The following CADM2 variants were observed in gnomAD, a reference collection of about 807,000 sequenced individuals.
The protein encoded by CADM2 is cell adhesion molecule 2, also known as immunoglobulin superfamily member 4D.
CADM2 carries 12 observed loss-of-function variants against 49.8 expected under a neutral mutation model. That is an observed-to-expected ratio of 0.24 (90% confidence interval 0.15 to 0.39). The LOEUF is 0.39. Ranked by LOEUF, CADM2 falls within the 10% of genes least tolerant of loss-of-function variation. The pLI, the probability that CADM2 is intolerant of heterozygous loss-of-function variation, is 1.00. For missense variants in CADM2, 378 were observed against 492.3 expected, an observed-to-expected ratio of 0.77 and a Z score of 2.20; for synonymous variants, 214 against 175.4, an observed-to-expected ratio of 1.22 and a Z score of -1.74.
intron 1 of CADM2, among the ~76,000 whole-genome samples, chr3:85,166,911 C>T (rs1489115072): frequency 6.6e-6 from 1 of 151,710 alleles, no homozygotes; most frequent in Non-Finnish European, 1.5e-5. Flanking sequence ...AATTAAAATA[C>T]ATTTATGTAT....
chr3:85,499,633 A>G (rs548198761), intron 1 of CADM2, among the ~76,000 whole-genome samples: 44 of 152,142 alleles, frequency 2.9e-4, no homozygotes, highest in Non-Finnish European at 5.3e-4. Context: ...TACTTCTTAT[A>G]CAGATGAATG....
intron 7 of CADM2, among the ~76,000 whole-genome samples, chr3:85,943,647 T>A (rs1206469021): frequency 2.6e-5 from 4 of 151,964 alleles, no homozygotes; most frequent in Non-Finnish European, 4.4e-5. Context: ...GACTTCAAAC[T>A]ATACTACAAG....
At chr3:85,574,379 T>C (rs2062570271) in intron 1 of CADM2, among the ~76,000 whole-genome samples, 1 of 152,226 alleles carries the variant, frequency 6.6e-6, no homozygotes, top group Admixed American at 6.5e-5. Flanking sequence ...AATGAGGATT[T>C]TAGTTTGCAA....
At chr3:85,572,155 G>A (rs114265857) in intron 1 of CADM2, among the ~76,000 whole-genome samples, 2,582 of 152,076 alleles carry the variant, frequency 0.017, 25 homozygotes, top group South Asian at 0.028. Flanking sequence ...AAATTAGCCG[G>A]GCATGGTGGC....
At chr3:85,940,392 A>G (rs1721749103) in intron 7 of CADM2, among the ~76,000 whole-genome samples, 1 of 152,006 alleles carries the variant, frequency 6.6e-6, no homozygotes, top group Non-Finnish European at 1.5e-5. Context: ...TTAGCCTAAC[A>G]TGTACCTTTT....
At chr3:85,596,000 T>G (rs1056175157) in intron 1 of CADM2, among the ~76,000 whole-genome samples, 4 of 151,896 alleles carry the variant, frequency 2.6e-5, no homozygotes, top group African/African-American at 9.7e-5. Context: ...GTCATGTATT[T>G]TTTCTTCACC....
intron 1 of CADM2, among the ~76,000 whole-genome samples, chr3:85,391,236 A>G (rs1490186339): frequency 2.0e-5 from 3 of 152,090 alleles, no homozygotes; most frequent in African/African-American, 4.8e-5. Context: ...AAAGAGTTCA[A>G]TTAATACTAG....
chr3:85,379,201 T>G (rs1181653682), intron 1 of CADM2, among the ~76,000 whole-genome samples: 1 of 151,972 alleles, frequency 6.6e-6, no homozygotes, highest in East Asian at 1.9e-4. Context: ...AATTTCATGA[T>G]GATTGCTTAA....
At chr3:85,714,738 C>G (rs186929469) in intron 1 of CADM2, among the ~76,000 whole-genome samples, 3 of 152,022 alleles carry the variant, frequency 2.0e-5, no homozygotes, top group African/African-American at 7.2e-5. Context: ...CCCTGTTTAT[C>G]TATTTTTACT....
At chr3:85,388,993 C>T (rs1303297489) in intron 1 of CADM2, among the ~76,000 whole-genome samples, 1 of 152,134 alleles carries the variant, frequency 6.6e-6, no homozygotes, top group Non-Finnish European at 1.5e-5. Flanking sequence ...CCGAAATCCT[C>T]TCTCCTATGA....
intron 6 of CADM2, among the ~76,000 whole-genome samples, chr3:85,916,816 T>C (rs539118316): frequency 0.017 from 2,571 of 152,052 alleles, 72 homozygotes; most frequent in African/African-American, 0.059. Context: ...TATTTCTCCA[T>C]ATCCTCTCCA....
chr3:85,054,743 C>T (rs956119352), intron 1 of CADM2, among the ~76,000 whole-genome samples: 3 of 151,926 alleles, frequency 2.0e-5, no homozygotes, highest in African/African-American at 4.8e-5. Flanking sequence ...AATGTACAGA[C>T]ATAGACTTTA....
At chr3:85,620,833 A>G (rs938961729) in intron 1 of CADM2, among the ~76,000 whole-genome samples, 3 of 152,242 alleles carry the variant, frequency 2.0e-5, no homozygotes, top group Non-Finnish European at 4.4e-5. Flanking sequence ...TTTCTGTGAC[A>G]GCACTGTTGG....
chr3:85,701,249 A>G (rs1195847062), intron 1 of CADM2, among the ~76,000 whole-genome samples: 1 of 152,140 alleles, frequency 6.6e-6, no homozygotes, highest in East Asian at 1.9e-4. Flanking sequence ...ATGGTGCTAA[A>G]CCATTAGAAA....
Position 85,290,590 on chromosome 3 carries a change from C to T in CADM2, c.61+330922C>T, listed in dbSNP as rs553800580. Among the ~76,000 whole-genome samples, 57 of 152,344 alleles carry T rather than the reference C, an allele frequency of 3.7e-4. No homozygotes were observed. The East Asian group carries it at 0.01, about 27-fold the overall frequency. Reference sequence around the variant, plus strand: ...GTTCTCCCAGCACGCAGCTGGAGATCTGAGAAGGGGCAGACTGCCTCCTCA... The same window carrying T: ...GTTCTCCCAGCACGCAGCTGGAGATTTGAGAAGGGGCAGACTGCCTCCTCA... On this transcript the variant is annotated intron_variant, in intron 1 of 9. Coordinates refer to ENST00000383699, the MANE Select transcript of CADM2 (RefSeq NM_001167675.2).
At chr3:85,239,768 T>A (rs191089382) in intron 1 of CADM2, among the ~76,000 whole-genome samples, 475 of 151,524 alleles carry the variant, frequency 3.1e-3, no homozygotes, top group South Asian at 0.012. Flanking sequence ...AATAATTGAC[T>A]TCTTTAAAAA....
At chr3:85,646,797 A>G (rs562452221) in intron 1 of CADM2, among the ~76,000 whole-genome samples, 1 of 151,928 alleles carries the variant, frequency 6.6e-6, no homozygotes, top group East Asian at 1.9e-4. Flanking sequence ...AAATATTATA[A>G]TATATTTTTA....
intron 1 of CADM2, among the ~76,000 whole-genome samples, chr3:85,004,018 T>C (rs1257281541): frequency 6.6e-6 from 1 of 152,132 alleles, no homozygotes; most frequent in Non-Finnish European, 1.5e-5. Flanking sequence ...TAAAATGTTT[T>C]TTCGGTTCAC....
At chr3:86,042,723 A>C (rs1417460320) in intron 8 of CADM2, among the ~76,000 whole-genome samples, 1 of 152,192 alleles carries the variant, frequency 6.6e-6, no homozygotes, top group Non-Finnish European at 1.5e-5. Context: ...TCCCTAACTC[A>C]TTTTATGAGG....
Sources: gnomAD v4.1 joint callset for allele counts (sites outside exome capture counted in the v4.1 genomes callset) on GRCh38, gnomAD v4.1.1 for gene constraint, MANE v1.5 for transcripts, NCBI Gene and HGNC (gene_info 2026-07-23, HGNC 2026-07-21) for gene names.